The following LMAN2L variants were observed in gnomAD, a reference collection of about 807,000 sequenced individuals.
LMAN2L encodes VIP36-like protein.
In LMAN2L, 30 loss-of-function variants were observed where a neutral mutation model predicts 44.3. That is an observed-to-expected ratio of 0.68 (90% CI 0.51 to 0.92). The LOEUF is 0.92. Among genes scored for constraint, LMAN2L ranks in the 40% least tolerant of loss-of-function variants. The probability of loss-of-function intolerance (pLI) is 0.00; values close to 1 mark genes in which losing one functional copy is unlikely to be tolerated. For synonymous variants in LMAN2L, 183 were observed against 171.1 expected (o/e 1.07, Z -0.54); for missense variants, 429 against 446.1 (o/e 0.96, Z 0.35).
intron 4 of LMAN2L, among the ~76,000 whole-genome samples, chr2:96,720,574 C>T (rs1032611938): frequency 9.9e-5 from 15 of 151,568 alleles, no homozygotes; most frequent in Admixed American, 9.9e-4. Flanking sequence ...GCCTTGGCTT[C>T]CCAAAGTGCT....
intron 4 of LMAN2L, among the ~76,000 whole-genome samples, chr2:96,726,057 A>G (rs981364410): frequency 6.6e-6 from 1 of 151,838 alleles, no homozygotes; most frequent in African/African-American, 2.4e-5. Context: ...ACTTGAACCC[A>G]GGAGGCGGAG....
chr2:96,733,277 C>T (rs2078445304), intron 4 of LMAN2L, among the ~76,000 whole-genome samples: 1 of 152,054 alleles, frequency 6.6e-6, no homozygotes, highest in African/African-American at 2.4e-5. Context: ...CTAATAGGCA[C>T]AAGAGAGAAC....
chr2:96,740,026 C>T lies in LMAN2L; in HGVS notation c.15G>A (p.Leu5=), dbSNP rs1385827454. MAAT[L]GPLGSWQQWR... ...ACTGCTGCCACGACCCAAGGGGTCC[C>T]AGAGTCGCCGCCATCTTTCCCACCA... The change falls in exon 1 of 8, where the codon CTG becomes CTA. Residue 5 remains leucine (L), a synonymous_variant. Coordinates refer to ENST00000264963, the MANE Select transcript of LMAN2L (RefSeq NM_030805.4). 4 of 1,608,156 alleles carry T rather than the reference C, an allele frequency of 2.5e-6. No individual in the cohort carries two copies. The highest frequency in any genetic ancestry group is 1.1e-5 in the South Asian group (1 of 90,948).
chr2:96,724,305 G>C (rs2078222504), intron 4 of LMAN2L, among the ~76,000 whole-genome samples: 1 of 152,042 alleles, frequency 6.6e-6, no homozygotes, highest in South Asian at 2.1e-4. Flanking sequence ...TGGTTATTCT[G>C]AGTCCCTTGA....
intron 3 of LMAN2L, 66 bp from the exon 4 acceptor site, chr2:96,733,667 C>A: frequency 7.7e-7 from 1 of 1,295,114 alleles, no homozygotes. Flanking sequence ...AATAATATAT[C>A]ACTATGATGG....
chr2:96,707,024 C>T lies in LMAN2L; in HGVS notation c.*232G>A, dbSNP rs1573992089. 7.9e-6 allele frequency: 3 copies of T among 377,372 alleles called. No individual in the cohort carries two copies. The highest frequency in any genetic ancestry group is 8.5e-5 in the Admixed American group (2 of 23,616). The allele number at this position is 377,372 out of a possible 1,614,324, so 23.4% of individuals were successfully genotyped here. ...CACATGGAAGGACTGCAGGGAAAGG[C>T]ACATCACAGCAGCATTGCCCTGGGG... On this transcript the variant is annotated 3_prime_UTR_variant, in exon 8 of 8. Transcript: ENST00000264963.
chr2:96,711,717 G>C lies in LMAN2L; in HGVS notation c.723C>G (p.Pro241=). Residue 241 remains proline (P), a synonymous_variant, in exon 6 of 8, where the codon CCC becomes CCG. Coordinates refer to ENST00000264963, the MANE Select transcript of LMAN2L (RefSeq NM_030805.4). ...KHEWRDCIEV[P]GVRLPRGYYF... is the part of the protein sequence containing the mutation. ...AGTAGCCGCGGGGCAGGCGGACTCC[G>C]GGCACTTCAATGCAGTCCCTCCACT... is the stretch of plus-strand genomic sequence containing the variant. The C allele has an allele frequency of 6.2e-7, 1 of 1,613,952 alleles. No homozygotes were observed. The highest frequency in any genetic ancestry group is 8.5e-7 in the Non-Finnish European group (1 of 1,179,906).
rs760739067 is a variant in LMAN2L at position 96,739,857 on chromosome 2, G to A, written c.184C>T (p.Gln62Ter). 4 of 1,613,322 alleles carry A rather than the reference G, an allele frequency of 2.5e-6. No homozygotes were observed. Among genetic ancestry groups the A allele is most frequent in the African/African-American group, 2.7e-5 (2 of 74,848 alleles). ...CACCTCACCCTGGGCGCCTCACCCT[G>A]GTAGGGCTTCGACAGCGAGTGCTCC... ...KREHSLSKPY[Q>*]GVGTGSSSLW... The change falls in exon 1 of 8, where the codon CAG becomes TAG. Residue 62 changes from glutamine (Q) to a stop codon, truncating the protein, a stop_gained. Transcript: ENST00000264963. LOFTEE classifies it high-confidence loss of function.
chr2:96,721,421 G>A (rs1437876881), intron 4 of LMAN2L, among the ~76,000 whole-genome samples: 1 of 148,698 alleles, frequency 6.7e-6, no homozygotes, highest in Non-Finnish European at 1.5e-5. Flanking sequence ...CAACCTCGAG[G>A]TCCTGGGCTC....
chr2:96,707,524 C>A, intron 7 of LMAN2L, 126 bp from the exon 8 acceptor site: 3 of 1,264,826 alleles, frequency 2.4e-6, no homozygotes, highest in Non-Finnish European at 3.2e-6. Flanking sequence ...CTTAGACCCC[C>A]TCTTTCCAAC....
chr2:96,711,310 G>GTTT (rs1295039477), intron 6 of LMAN2L, among the ~76,000 whole-genome samples: 1 of 152,190 alleles, frequency 6.6e-6, no homozygotes, highest in Non-Finnish European at 1.5e-5. Flanking sequence ...GAAAAGCTTT[G>GTTT]TTAAGGAAGG....
At chr2:96,707,535 T>G (rs2077811576) in intron 7 of LMAN2L, 137 bp from the exon 8 acceptor site, 2 of 1,258,634 alleles carry the variant, frequency 1.6e-6, no homozygotes, top group Non-Finnish European at 2.2e-6. Flanking sequence ...TCTTTCCAAC[T>G]GAGAAACAAA....
rs148878788 is a variant in LMAN2L at position 96,740,021 on chromosome 2, G to A, written c.20C>T (p.Pro7Leu). Residue 7 changes from proline to leucine, a missense_variant, in exon 1 of 8, where the codon CCC becomes CTC. By Grantham distance (98) the Pro-to-Leu change is moderately conservative (BLOSUM62 -3). Transcript: ENST00000264963. The part of the protein sequence containing the change: MAATLG[P>L]LGSWQQWRRC... ...CCGCCACTGCTGCCACGACCCAAGG[G>A]GTCCCAGAGTCGCCGCCATCTTTCC... 2.4e-5 allele frequency: 39 copies of A among 1,610,884 alleles called. No homozygotes were observed. The highest frequency in any genetic ancestry group is 3.1e-5 in the Non-Finnish European group (37 of 1,178,912).
intron 4 of LMAN2L, among the ~76,000 whole-genome samples, chr2:96,722,792 G>A (rs1175129849): frequency 1.3e-5 from 2 of 152,170 alleles, no homozygotes; most frequent in Non-Finnish European, 2.9e-5. Context: ...AGGCCAAGGC[G>A]GGCGGATAAC....
intron 6 of LMAN2L, among the ~76,000 whole-genome samples, chr2:96,709,090 A>G (rs1324867147): frequency 6.9e-6 from 1 of 145,328 alleles, no homozygotes. Flanking sequence ...AATTTTTTGT[A>G]TTTTTTTTTT....
intron 4 of LMAN2L, among the ~76,000 whole-genome samples, chr2:96,718,915 T>G (rs1050656442): frequency 6.6e-6 from 1 of 152,156 alleles, no homozygotes. Context: ...TAATTGAATA[T>G]CATCACGCTC....
intron 4 of LMAN2L, among the ~76,000 whole-genome samples, chr2:96,726,364 T>C (rs769737236): frequency 7.9e-5 from 12 of 152,020 alleles, no homozygotes; most frequent in Non-Finnish European, 1.6e-4. Flanking sequence ...TTCACTTTCA[T>C]GTCTCTTGCC....
intron 6 of LMAN2L, among the ~76,000 whole-genome samples, chr2:96,710,050 G>A (rs1241517944): frequency 2.0e-5 from 3 of 152,184 alleles, no homozygotes; most frequent in South Asian, 2.1e-4. Context: ...TCCCCCTGCC[G>A]AGACTAAATT....
At chr2:96,728,948 A>G (rs1157917437) in intron 4 of LMAN2L, among the ~76,000 whole-genome samples, 1 of 152,036 alleles carries the variant, frequency 6.6e-6, no homozygotes, top group Non-Finnish European at 1.5e-5. Context: ...TAAGGTGGGC[A>G]GATCACGAGG....
Sources: allele counts gnomAD v4.1 joint callset (sites outside exome capture counted in the v4.1 genomes callset), GRCh38; gene constraint gnomAD v4.1.1; transcripts MANE v1.5; gene names NCBI Gene and HGNC (gene_info 2026-07-23, HGNC 2026-07-21).